Variants in DPYS observed in about 807,000 individuals in gnomAD.
DPYS encodes dihydropyrimidine amidohydrolase.
In DPYS, 39 loss-of-function variants were observed where a neutral mutation model predicts 50.3. The ratio of observed to expected loss-of-function variants is 0.78; its 90% CI spans 0.60 to 1.01. The LOEUF (loss-of-function observed/expected upper bound fraction) is 1.01. Ranked by LOEUF, DPYS falls within the 50% of genes least tolerant of loss-of-function variation. The pLI is 0.00. For missense variants in DPYS, 659 were observed against 680.9 expected (o/e 0.97, Z 0.36); for synonymous variants, 245 against 250.7 (o/e 0.98, Z 0.22).
intron 4 of DPYS, among the ~76,000 whole-genome samples, chr8:104,439,859 C>T (rs1227795013): frequency 3.3e-5 from 5 of 152,196 alleles, no homozygotes; most frequent in Non-Finnish European, 7.3e-5. Context: ...AGATCAATTT[C>T]TCCTTTAACA....
At chr8:104,415,761 G>A (rs7816369) in intron 7 of DPYS, among the ~76,000 whole-genome samples, 105 of 152,222 alleles carry the variant, frequency 6.9e-4, no homozygotes, top group African/African-American at 2.3e-3. Context: ...ATTTAGTGGT[G>A]AAAATTAAAG....
chr8:104,403,414 G>C (rs1811891269), intron 7 of DPYS, among the ~76,000 whole-genome samples: 1 of 151,644 alleles, frequency 6.6e-6, no homozygotes, highest in Admixed American at 6.6e-5. Flanking sequence ...GAGAACACGA[G>C]GCTTGCCACC....
At chr8:104,464,861 T>C (rs572755347) in intron 1 of DPYS, among the ~76,000 whole-genome samples, 17 of 152,302 alleles carry the variant, frequency 1.1e-4, no homozygotes, top group African/African-American at 4.1e-4. Context: ...TTCTTTAAAA[T>C]GGAAAAATAA....
At chr8:104,464,067 T>G (rs1814264738) in intron 1 of DPYS, among the ~76,000 whole-genome samples, 3 of 152,212 alleles carry the variant, frequency 2.0e-5, no homozygotes, top group African/African-American at 7.2e-5. Context: ...ATTTGGTATT[T>G]GCTAAACCTT....
intron 7 of DPYS, chr8:104,421,107 G>A (rs1377965613): frequency 2.0e-5 from 3 of 152,144 alleles, no homozygotes; most frequent in Non-Finnish European, 4.4e-5. Context: ...ATCAGGCTCT[G>A]GGGCCTATGC....
intron 2 of DPYS, among the ~76,000 whole-genome samples, chr8:104,449,566 C>CA (rs1813659740): frequency 6.6e-6 from 1 of 152,158 alleles, no homozygotes; most frequent in South Asian, 2.1e-4. Flanking sequence ...AAGTCCTAAC[C>CA]CCTTGTTTGG....
intron 8 of DPYS, among the ~76,000 whole-genome samples, chr8:104,384,837 C>T (rs950714384): frequency 3.3e-5 from 5 of 152,210 alleles, no homozygotes; most frequent in South Asian, 2.1e-4. Flanking sequence ...CTGGATTGAA[C>T]AAAGACAGCA....
intron 7 of DPYS, among the ~76,000 whole-genome samples, chr8:104,403,211 G>C (rs868758591): frequency 3.9e-5 from 6 of 152,140 alleles, no homozygotes; most frequent in African/African-American, 1.4e-4. Context: ...ATCCAGCAAG[G>C]CTCCCATTGC....
In DPYS at chr8:104,402,366, G is replaced by A. The variant is rs1811848719; in HGVS notation, c.1236-9375C>T. Among the ~76,000 whole-genome samples, 4 of 152,336 alleles carry A rather than the reference G, an allele frequency of 2.6e-5. No individual in the cohort carries two copies. The South Asian group carries it at 8.3e-4, about 32-fold the overall frequency. ...AATAATTTAGTGTCTTTAAGGAACA[G>A]GAACTGAATGTGAATCAGCCAAGCT... On this transcript the variant is annotated intron_variant, in intron 7 of 9. Transcript: ENST00000351513.
At chr8:104,403,011 C>G (rs903897903) in intron 7 of DPYS, among the ~76,000 whole-genome samples, 1 of 152,184 alleles carries the variant, frequency 6.6e-6, no homozygotes, top group Non-Finnish European at 1.5e-5. Flanking sequence ...AGCATTCAAG[C>G]CGGCAATGGC....
At chr8:104,408,519 A>T (rs1225429722) in intron 7 of DPYS, among the ~76,000 whole-genome samples, 1 of 152,256 alleles carries the variant, frequency 6.6e-6, no homozygotes, top group East Asian at 1.9e-4. Flanking sequence ...TAGCAAAAAT[A>T]AAAGGAAGAG....
chr8:104,446,002 A>G (rs1813515951), intron 3 of DPYS, among the ~76,000 whole-genome samples: 1 of 152,178 alleles, frequency 6.6e-6, no homozygotes, highest in Admixed American at 6.5e-5. Context: ...CTGAGATCGC[A>G]CCACTGCACT....
At chr8:104,381,110 C>T in intron 9 of DPYS, 74 bp downstream of exon 9, 1 of 1,288,376 alleles carries the variant, frequency 7.8e-7, no homozygotes, top group Non-Finnish European at 1.1e-6. Flanking sequence ...TTGATCTCTT[C>T]AACCCTTATG....
Position 104,444,360 on chromosome 8 carries a change from T to G in DPYS, c.681A>C (p.Ala227=). The change falls in exon 4 of 10, where the codon GCA becomes GCC. Residue 227 remains alanine, a synonymous_variant. Coordinates refer to ENST00000351513, the MANE Select transcript of DPYS (RefSeq NM_001385.3). ...TGGTGATGGCTCTCAGCGTGGCCTC[T>G]GCCTCCACTGCCTCTGGGCGGCACA... ...HELCRPEAVE[A]EATLRAITIA... The G allele has an allele frequency of 6.2e-7, 1 of 1,614,256 alleles. No homozygotes were observed. Among genetic ancestry groups the G allele is most frequent in the South Asian group, 1.1e-5 (1 of 91,088 alleles).
At chr8:104,400,702 A>G (rs1275931699) in intron 7 of DPYS, among the ~76,000 whole-genome samples, 1 of 152,214 alleles carries the variant, frequency 6.6e-6, no homozygotes, top group South Asian at 2.1e-4. Context: ...GCTCACTTTA[A>G]GCCTGTATGA....
Position 104,467,034 on chromosome 8 carries a change from C to A in DPYS, c.-114G>T. Reference sequence around the variant, plus strand: ...AAGGTCCCCACCGACAGCCCCCGAGCTCTGCCTCAGGCTGCAAATCCGGAG... The same window carrying A: ...AAGGTCCCCACCGACAGCCCCCGAGATCTGCCTCAGGCTGCAAATCCGGAG... On this transcript the variant is annotated 5_prime_UTR_variant, in exon 1 of 10. Coordinates refer to ENST00000351513, the MANE Select transcript of DPYS (RefSeq NM_001385.3). The A allele has an allele frequency of 7.9e-7, 1 of 1,272,578 alleles. No homozygotes were observed. Among genetic ancestry groups the A allele is most frequent in the Admixed American group, 4.0e-5 (1 of 24,950 alleles). The allele number at this position is 1,272,578 out of a possible 1,614,324, so 78.8% of individuals were successfully genotyped here. A position where few individuals can be genotyped will look rare whatever the true frequency, so the allele number is the denominator to read the frequency against.
chr8:104,405,280 G>A (rs1465241259), intron 7 of DPYS, among the ~76,000 whole-genome samples: 1 of 152,296 alleles, frequency 6.6e-6, no homozygotes, highest in Non-Finnish European at 1.5e-5. Context: ...TAGAGAGCTT[G>A]AGTAACTTGT....
At chr8:104,446,718 G>C (rs928266916) in intron 3 of DPYS, among the ~76,000 whole-genome samples, 1 of 152,070 alleles carries the variant, frequency 6.6e-6, no homozygotes, top group East Asian at 1.9e-4. Flanking sequence ...AATGGGAGCT[G>C]AGCCTAAGGA....
intron 6 of DPYS, among the ~76,000 whole-genome samples, chr8:104,426,068 A>G (rs113416147): frequency 6.6e-6 from 1 of 152,212 alleles, no homozygotes; most frequent in Non-Finnish European, 1.5e-5. Flanking sequence ...TTGAACTTTT[A>G]TCAAGAAAAT....
Sources: gnomAD v4.1 joint callset for allele counts (sites outside exome capture counted in the v4.1 genomes callset) on GRCh38, gnomAD v4.1.1 for gene constraint, MANE v1.5 for transcripts, NCBI Gene and HGNC (gene_info 2026-07-23, HGNC 2026-07-21) for gene names.